PHACTR1: variants seen among roughly 807,000 people sequenced by gnomAD.
The protein encoded by PHACTR1 is phosphatase and actin regulator 1.
PHACTR1 carries 16 observed loss-of-function variants against 69.2 expected under a neutral mutation model. The ratio of observed to expected loss-of-function variants is 0.23; its 90% CI spans 0.16 to 0.35. The LOEUF (loss-of-function observed/expected upper bound fraction) is 0.35, where lower values mean the gene tolerates loss of function less well. Ranked by LOEUF, PHACTR1 falls within the 10% of genes least tolerant of loss-of-function variation. PHACTR1 has a pLI of 1.00. For missense variants in PHACTR1, 510 were observed against 734.7 expected (o/e 0.69, Z 3.54); for synonymous variants, 312 against 284.5 (o/e 1.10, Z -0.97).
At chr6:12,794,199 C>G (rs1015086429) in intron 4 of PHACTR1, among the ~76,000 whole-genome samples, 6 of 152,178 alleles carry the variant, frequency 3.9e-5, no homozygotes, top group East Asian at 3.8e-4. Context: ...ATATGAGACC[C>G]CTTCTTCTTC....
chr6:13,083,607 C>G (rs1179568655), intron 5 of PHACTR1, among the ~76,000 whole-genome samples: 1 of 152,018 alleles, frequency 6.6e-6, no homozygotes, highest in Non-Finnish European at 1.5e-5. Context: ...TGTTTGTATC[C>G]TCTTTTATTT....
chr6:13,250,318 A>G (rs1245291858), intron 10 of PHACTR1, among the ~76,000 whole-genome samples: 2 of 152,212 alleles, frequency 1.3e-5, no homozygotes, highest in Non-Finnish European at 2.9e-5. Context: ...CCTCACACAC[A>G]TAGGGATTTC....
At chr6:12,907,799 G>A (rs1000295557) in intron 4 of PHACTR1, among the ~76,000 whole-genome samples, 1 of 152,166 alleles carries the variant, frequency 6.6e-6, no homozygotes, top group Non-Finnish European at 1.5e-5. Context: ...AATTGGGATG[G>A]CTTGGTCACT....
chr6:12,884,260 G>A (rs1269269817), intron 4 of PHACTR1, among the ~76,000 whole-genome samples: 1 of 152,130 alleles, frequency 6.6e-6, no homozygotes. Flanking sequence ...ACTATGCTCA[G>A]TCAATATTTA....
chr6:13,175,890 C>G (rs1201791007), intron 6 of PHACTR1, among the ~76,000 whole-genome samples: 1 of 152,090 alleles, frequency 6.6e-6, no homozygotes, highest in Non-Finnish European at 1.5e-5. Flanking sequence ...CATGCTCCTC[C>G]CCTAGCCTTG....
intron 4 of PHACTR1, among the ~76,000 whole-genome samples, chr6:13,044,209 A>G (rs1242515126): frequency 6.6e-6 from 1 of 152,194 alleles, no homozygotes; most frequent in East Asian, 1.9e-4. Context: ...GAATAGAAGT[A>G]TCTTCATCCT....
At chr6:13,027,752 T>G (rs1240789466) in intron 4 of PHACTR1, among the ~76,000 whole-genome samples, 6 of 152,138 alleles carry the variant, frequency 3.9e-5, no homozygotes, top group Non-Finnish European at 8.8e-5. Context: ...CTAGGCTCCC[T>G]GCAACCTCTG....
intron 4 of PHACTR1, among the ~76,000 whole-genome samples, chr6:13,036,658 G>A (rs1475104241): frequency 2.6e-5 from 4 of 152,190 alleles, no homozygotes; most frequent in Admixed American, 1.3e-4. Flanking sequence ...CTAAGGAAAC[G>A]TGGTAGCCTC....
At chr6:13,236,598 T>C (rs1195598472) in intron 10 of PHACTR1, among the ~76,000 whole-genome samples, 1 of 152,160 alleles carries the variant, frequency 6.6e-6, no homozygotes, top group East Asian at 1.9e-4. Context: ...CTCTGCATGA[T>C]GCTCTCCCTC....
At chr6:12,939,858 A>T (rs1214346389) in intron 4 of PHACTR1, among the ~76,000 whole-genome samples, 1 of 152,182 alleles carries the variant, frequency 6.6e-6, no homozygotes, top group East Asian at 1.9e-4. Context: ...TACTGAATTA[A>T]TTGAGTGCAT....
intron 5 of PHACTR1, among the ~76,000 whole-genome samples, chr6:13,081,989 G>A (rs1811463475): frequency 6.6e-6 from 1 of 152,136 alleles, no homozygotes; most frequent in South Asian, 2.1e-4. Context: ...AGAATTGCAG[G>A]TAAGATCAAT....
chr6:12,961,190 G>A (rs1324179946), intron 4 of PHACTR1, among the ~76,000 whole-genome samples: 2 of 152,126 alleles, frequency 1.3e-5, no homozygotes, highest in Non-Finnish European at 2.9e-5. Flanking sequence ...AGTGTAGGGT[G>A]TCTTCTAAGA....
At chr6:13,054,614 A>G (rs1409516981) in intron 5 of PHACTR1, among the ~76,000 whole-genome samples, 1 of 152,194 alleles carries the variant, frequency 6.6e-6, no homozygotes, top group East Asian at 1.9e-4. Context: ...CAGAGAGAGC[A>G]TGTACGTAAG....
In PHACTR1 at chr6:12,872,406, A is replaced by AT. The variant is rs148533028; in HGVS notation, c.250+122617dup. Among the ~76,000 whole-genome samples the AT allele has an allele frequency of 3.9e-3, 592 of 152,278 alleles. 2 individuals are homozygous for AT. Among genetic ancestry groups the AT allele is most frequent in the African/African-American group, 0.014 (569 of 41,560 alleles). ...TACTGGATGTTTGAAAATCTCCATG[A>AT]TAAAAAACTTAAGAAAGGGATAATA... On this transcript the variant is annotated intron_variant, in intron 4 of 14. Transcript: ENST00000332995.
chr6:13,154,920 A>C (rs539348455), intron 5 of PHACTR1, among the ~76,000 whole-genome samples: 3 of 152,192 alleles, frequency 2.0e-5, no homozygotes, highest in South Asian at 4.2e-4. Context: ...GTTTGTGAGA[A>C]GGGAAACCAT....
chr6:12,753,968 A>ATT (rs1419323913), intron 4 of PHACTR1, among the ~76,000 whole-genome samples: 82 of 75,184 alleles, frequency 1.1e-3, no homozygotes, highest in Middle Eastern at 8.2e-3. Context: ...ATATATATAT[A>ATT]TATTTTTTTT....
intron 7 of PHACTR1, among the ~76,000 whole-genome samples, chr6:13,190,198 A>ATT (rs1215055032): frequency 3.4e-5 from 3 of 87,264 alleles, no homozygotes; most frequent in Non-Finnish European, 6.4e-5. Context: ...TAATTTTTGT[A>ATT]TTTTTTTTTT....
At chr6:12,962,633 TG>T (rs1792899822) in intron 4 of PHACTR1, among the ~76,000 whole-genome samples, 1 of 152,210 alleles carries the variant, frequency 6.6e-6, no homozygotes, top group Admixed American at 6.5e-5. Flanking sequence ...CTTGTTTTAT[TG>T]ACTTCCACCT....
intron 7 of PHACTR1, among the ~76,000 whole-genome samples, chr6:13,198,433 G>A (rs1176351743): frequency 6.6e-6 from 1 of 152,152 alleles, no homozygotes; most frequent in Non-Finnish European, 1.5e-5. Flanking sequence ...TACTCTCTGT[G>A]GAATAACTGT....
Sources: allele counts gnomAD v4.1 joint callset (sites outside exome capture counted in the v4.1 genomes callset), GRCh38; gene constraint gnomAD v4.1.1; transcripts MANE v1.5; gene names NCBI Gene and HGNC (gene_info 2026-07-23, HGNC 2026-07-21).